Variants in SLC17A1 observed in about 807,000 individuals in gnomAD.
SLC17A1 encodes sodium-dependent phosphate transport protein 1.
SLC17A1 carries 51 observed loss-of-function variants against 53.5 expected under a neutral mutation model. That is an observed-to-expected ratio of 0.95 (90% CI 0.76 to 1.20). SLC17A1 has a LOEUF of 1.20. Ranked by LOEUF, SLC17A1 falls within the 50% of genes most tolerant of loss-of-function variation. SLC17A1 has a pLI of 0.00. For missense variants in SLC17A1, 538 were observed against 568.2 expected, an observed-to-expected ratio of 0.95 and a Z score of 0.54; for synonymous variants, 179 against 198.8, an observed-to-expected ratio of 0.90 and a Z score of 0.84.
chr6:25,770,782 T>C, the SLC17A1 span: 3 of 697,986 alleles, frequency 4.3e-6, no homozygotes, highest in South Asian at 5.3e-5. Context: ...TTCTCCAAGA[T>C]CACATAGTTA....
rs1156585514 is a variant in SLC17A1, at chr6:25,811,274, T to G, written c.1178+124A>C. On this transcript the variant is annotated intron_variant, in intron 10 of 12. Transcript: ENST00000244527. Reference sequence around the variant, plus strand: ...CTAAGTGTGTGAGGTAATGCATATGTTACTTTGCTCGATTTTAGCCATTCC... The same window carrying G: ...CTAAGTGTGTGAGGTAATGCATATGGTACTTTGCTCGATTTTAGCCATTCC... The G allele has an allele frequency of 8.5e-6, 9 of 1,059,204 alleles. No individual in the cohort carries two copies. The East Asian group carries it at 2.2e-4, about 26-fold the overall frequency. 65.6% of individuals were successfully genotyped at this position (1,059,204 alleles called of 1,614,324 possible).
the SLC17A1 span, among the ~76,000 whole-genome samples, chr6:25,741,302 G>T: frequency 6.6e-6 from 1 of 151,416 alleles, no homozygotes; most frequent in Non-Finnish European, 1.5e-5. Context: ...GGGCACTGTG[G>T]CTCACACCTG....
chr6:25,750,846 C>A, the SLC17A1 span, among the ~76,000 whole-genome samples: 1 of 152,098 alleles, frequency 6.6e-6, no homozygotes, highest in African/African-American at 2.4e-5. Context: ...GCCTAGTATT[C>A]TGCCCAGTCT....
downstream of SLC17A1, among the ~76,000 whole-genome samples, chr6:25,781,468 T>G (rs1036507575): frequency 6.6e-6 from 1 of 151,450 alleles, no homozygotes; most frequent in African/African-American, 2.4e-5. Flanking sequence ...AGTTTGGGTA[T>G]GAAAGGGTGG....
chr6:25,826,851 A>G (rs776402827), intron 2 of SLC17A1, among the ~76,000 whole-genome samples: 2 of 152,168 alleles, frequency 1.3e-5, no homozygotes, highest in Non-Finnish European at 2.9e-5. Context: ...TAGAAGTTCC[A>G]AGAAAATCAA....
At chr6:25,759,440 C>T in the SLC17A1 span, among the ~76,000 whole-genome samples, 2 of 152,136 alleles carry the variant, frequency 1.3e-5, no homozygotes, top group Non-Finnish European at 1.5e-5. Flanking sequence ...TATCTCATTT[C>T]TTAGGTCTAG....
At chr6:25,749,883 T>C in the SLC17A1 span, among the ~76,000 whole-genome samples, 408 of 152,350 alleles carry the variant, frequency 2.7e-3, 3 homozygotes, top group Middle Eastern at 0.01. Context: ...CTGGCTGTAA[T>C]GTTTCAGATG....
chr6:25,828,030 C>T (rs1483527759), intron 2 of SLC17A1, among the ~76,000 whole-genome samples: 1 of 152,122 alleles, frequency 6.6e-6, no homozygotes, highest in African/African-American at 2.4e-5. Flanking sequence ...TGATTAATCC[C>T]TCCTAGGGCA....
chr6:25,748,853 G>A, the SLC17A1 span, among the ~76,000 whole-genome samples: 1 of 152,246 alleles, frequency 6.6e-6, no homozygotes, highest in African/African-American at 2.4e-5. Context: ...TCTCAGTGGA[G>A]TAAAGAATAA....
chr6:25,827,323 G>A (rs1764787280), intron 2 of SLC17A1, among the ~76,000 whole-genome samples: 1 of 152,022 alleles, frequency 6.6e-6, no homozygotes, highest in Non-Finnish European at 1.5e-5. Context: ...ATTCAAAATA[G>A]CAGAATGTTT....
chr6:25,726,359 C>CT, the SLC17A1 span: 43 of 1,614,076 alleles, frequency 2.7e-5, no homozygotes, highest in Middle Eastern at 1.6e-4. Flanking sequence ...GTGAGATACT[C>CT]TAACACTGCC....
At chr6:25,820,637 T>C (rs1157412061) in intron 3 of SLC17A1, among the ~76,000 whole-genome samples, 1 of 152,000 alleles carries the variant, frequency 6.6e-6, no homozygotes, top group Non-Finnish European at 1.5e-5. Flanking sequence ...TCCCAGCACT[T>C]TGGGAGGACG....
At chr6:25,753,074 T>C in the SLC17A1 span, among the ~76,000 whole-genome samples, 1 of 152,094 alleles carries the variant, frequency 6.6e-6, no homozygotes, top group South Asian at 2.1e-4. Flanking sequence ...AAGACACAAA[T>C]ATGCAAGTTA....
chr6:25,783,879 A>C lies in SLC17A1; in HGVS notation c.*3-661T>G, dbSNP rs532045903. Among the ~76,000 whole-genome samples, 287 of 151,298 alleles carry C rather than the reference A, an allele frequency of 1.9e-3. 1 individual carries two copies. Among genetic ancestry groups the C allele is most frequent in the African/African-American group, 5.9e-3 (244 of 41,176 alleles). On this transcript the variant is annotated intron_variant, in intron 12 of 12. Transcript: ENST00000244527. ...TGCTGTCATCTGTGTTAACTGGGAT[A>C]GTGGTCTCTGGCAAGTTGGGCTGAA...
At chr6:25,732,063 C>T in the SLC17A1 span, 7 of 1,241,644 alleles carry the variant, frequency 5.6e-6, no homozygotes, top group Non-Finnish European at 6.5e-6. Context: ...GCTCTCTTTG[C>T]GGCATCTCTT....
the SLC17A1 span, among the ~76,000 whole-genome samples, chr6:25,765,730 A>G: frequency 6.6e-6 from 1 of 152,190 alleles, no homozygotes; most frequent in Non-Finnish European, 1.5e-5. Flanking sequence ...GAAAACAAAG[A>G]TTGTGTAATA....
the SLC17A1 span, among the ~76,000 whole-genome samples, chr6:25,727,469 G>A: frequency 2.7e-5 from 4 of 149,278 alleles, no homozygotes; most frequent in Non-Finnish European, 5.9e-5. Context: ...TCGGCTCACT[G>A]CAAGCTCTGC....
At chr6:25,730,900 C>T in the SLC17A1 span, among the ~76,000 whole-genome samples, 2 of 152,216 alleles carry the variant, frequency 1.3e-5, no homozygotes, top group Non-Finnish European at 2.9e-5. Context: ...AATCAGACAA[C>T]AGAAATATGT....
chr6:25,734,767 T>C, the SLC17A1 span, among the ~76,000 whole-genome samples: 13 of 152,386 alleles, frequency 8.5e-5, no homozygotes, highest in East Asian at 2.5e-3. Context: ...TTTAGATGGA[T>C]AATCTTTGTT....
Sources: allele counts gnomAD v4.1 joint callset (sites outside exome capture counted in the v4.1 genomes callset), GRCh38; gene constraint gnomAD v4.1.1; transcripts MANE v1.5; gene names NCBI Gene and HGNC (gene_info 2026-07-23, HGNC 2026-07-21).